KCNN1: variants seen among roughly 807,000 people sequenced by gnomAD.
KCNN1 encodes the protein small conductance calcium-activated potassium channel protein 1.
Under a neutral mutation model 44.7 loss-of-function variants are expected in KCNN1, and 20 were observed. The ratio of observed to expected loss-of-function variants is 0.45; its 90% CI spans 0.32 to 0.65. The LOEUF (loss-of-function observed/expected upper bound fraction) is 0.65. KCNN1 is among the 30% of genes least tolerant of loss of function. The pLI is 0.05. For synonymous variants in KCNN1, 324 were observed against 341.7 expected (o/e 0.95, Z 0.57); for missense variants, 632 against 785.3 (o/e 0.80, Z 2.33).
At chr19:17,958,252 A>T (rs553009185) in intron 2 of KCNN1, among the ~76,000 whole-genome samples, 1 of 152,182 alleles carries the variant, frequency 6.6e-6, no homozygotes, top group South Asian at 2.1e-4. Flanking sequence ...AGGCCAAGGT[A>T]TGAGGATCAC....
chr19:17,953,209 C>G (rs1428970472), intron 1 of KCNN1, among the ~76,000 whole-genome samples: 4 of 152,190 alleles, frequency 2.6e-5, no homozygotes, highest in Non-Finnish European at 1.5e-5. Context: ...CCCAAGACCT[C>G]ATCAAAGGAA....
chr19:17,965,287 GAA>G (rs2031772657), upstream of KCNN1, among the ~76,000 whole-genome samples: 1 of 142,706 alleles, frequency 7.0e-6, no homozygotes, highest in Admixed American at 6.8e-5. Context: ...AAAAAAAAAA[GAA>G]AGAAAAAAGC....
rs2033127840 is a variant in KCNN1, at chr19:17,999,920, TCTGCCACTG to T, written c.*1518_*1526del. 3 of 455,026 alleles carry T rather than the reference TCTGCCACTG, an allele frequency of 6.6e-6. No individual in the cohort carries two copies. Among genetic ancestry groups the T allele is most frequent in the Non-Finnish European group, 1.3e-5 (3 of 226,536 alleles). 28.2% of individuals were successfully genotyped at this position (455,026 alleles called of 1,614,324 possible). Reference sequence around the variant, plus strand: ...GTCAGACCCGGGTTCGAGTCCTGACTCTGCCACTGCTGGGTGACTCTGAGCAGTGGCTGC... The same window carrying T: ...GTCAGACCCGGGTTCGAGTCCTGACTCTGGGTGACTCTGAGCAGTGGCTGC... On this transcript the variant is annotated 3_prime_UTR_variant, in exon 10 of 10. Coordinates refer to ENST00000684775, the MANE Select transcript of KCNN1 (RefSeq NM_001386974.1).
intron 4 of KCNN1, among the ~76,000 whole-genome samples, chr19:17,984,675 A>G (rs2032534400): frequency 6.6e-6 from 1 of 152,114 alleles, no homozygotes; most frequent in Admixed American, 6.5e-5. Flanking sequence ...CGAAGTCCCA[A>G]GCCTGGCTGT....
intron 5 of KCNN1, among the ~76,000 whole-genome samples, chr19:17,986,362 CA>C (rs34295668): frequency 0.63 from 88,217 of 140,270 alleles, 27,573 homozygotes; most frequent in African/African-American, 0.78. Flanking sequence ...AACTAAGTCT[CA>C]AAAAAAAAAA....
upstream of KCNN1, among the ~76,000 whole-genome samples, chr19:17,962,279 C>A (rs957859122): frequency 2.0e-5 from 3 of 152,204 alleles, no homozygotes; most frequent in African/African-American, 7.2e-5. Flanking sequence ...CCCTGCCTGC[C>A]TGTCACGCCC....
chr19:17,955,724 G>A (rs1373686466), intron 2 of KCNN1, among the ~76,000 whole-genome samples: 1 of 151,844 alleles, frequency 6.6e-6, no homozygotes. Flanking sequence ...TATTCAGAGA[G>A]GCCAGATGAC....
At position 17,981,885 on chromosome 19, in the gene KCNN1, C is replaced by G; in HGVS notation, c.675C>G (p.Asp225Glu). The change falls in exon 4 of 10, where the codon GAC becomes GAG. Residue 225 changes from aspartate (D) to glutamate (E), a missense_variant. By Grantham distance (45) the Asp-to-Glu change is conservative (BLOSUM62 2). Coordinates refer to ENST00000684775, the MANE Select transcript of KCNN1 (RefSeq NM_001386974.1). ...FTYAPSVAEA[D>E]VDVLLSIPMF... ...ACGCGCCCTCGGTGGCCGAGGCCGA[C>G]GTGGACGTGCTGCTGTCCATCCCCA... The G allele has an allele frequency of 6.2e-7, 1 of 1,612,354 alleles. No individual in the cohort carries two copies. Among genetic ancestry groups the G allele is most frequent in the Non-Finnish European group, 8.5e-7 (1 of 1,178,906 alleles).
intron 1 of KCNN1, 99 bp from the exon 2 acceptor site, chr19:17,973,709 T>A: frequency 7.3e-7 from 1 of 1,376,344 alleles, no homozygotes; most frequent in Non-Finnish European, 9.5e-7. Flanking sequence ...TCTGGGCCAC[T>A]CCCAAACTTA....
chr19:17,999,271 C>T lies in KCNN1; in HGVS notation c.*865C>T, dbSNP rs998110410. On this transcript the variant is annotated 3_prime_UTR_variant, in exon 10 of 10. Coordinates refer to ENST00000684775, the MANE Select transcript of KCNN1 (RefSeq NM_001386974.1). ...CCCTAGGCCAAAGTAAAGAACCGGA[C>T]TGGCTGGGCACAGTGGCTCACACCT... The T allele has an allele frequency of 1.3e-5, 2 of 152,434 alleles. No individual in the cohort carries two copies. The highest frequency in any genetic ancestry group is 4.8e-5 in the African/African-American group (2 of 41,442). The allele number at this position is 152,434 out of a possible 1,614,324, so 9.4% of individuals were successfully genotyped here.
At position 17,999,438 on chromosome 19, in the gene KCNN1, C is replaced by G. The variant is rs1431768963; in HGVS notation, c.*1032C>G. ...GGTGTGGTGGTGCACGCCTGTAATC[C>G]CAGCTACTTGGGAGGCTGAGGCAGG... is the stretch of plus-strand genomic sequence containing the variant. On this transcript the variant is annotated 3_prime_UTR_variant, in exon 10 of 10. Transcript: ENST00000684775. The G allele has an allele frequency of 6.5e-6, 1 of 153,220 alleles. No homozygotes were observed. Among genetic ancestry groups the G allele is most frequent in the Non-Finnish European group, 1.5e-5 (1 of 68,712 alleles). The allele number at this position is 153,220 out of a possible 1,614,324, so 9.5% of individuals were successfully genotyped here.
In KCNN1 at chr19:17,967,115, GC is replaced by G. The variant is rs1235448198; in HGVS notation, c.-278del. The G allele has an allele frequency of 8.2e-6, 8 of 978,318 alleles. No individual in the cohort carries two copies. The highest frequency in any genetic ancestry group is 9.7e-6 in the Non-Finnish European group (8 of 825,740). The allele number at this position is 978,318 out of a possible 1,614,324, so 60.6% of individuals were successfully genotyped here. On this transcript the variant is annotated 5_prime_UTR_variant, in exon 1 of 10. Coordinates refer to ENST00000684775, the MANE Select transcript of KCNN1 (RefSeq NM_001386974.1). ...TCTCTCCCGGCCCGGGCGGGCGCTC[GC>G]CCCCCGCCGGGCCCGTGGACTGGGC...
chr19:17,967,338 G>A, intron 1 of KCNN1, 21 bp downstream of exon 1: 1 of 983,090 alleles, frequency 1.0e-6, no homozygotes, highest in Non-Finnish European at 1.2e-6. Flanking sequence ...GGATGGGTGA[G>A]GGTGCGGGAG....
At chr19:17,973,021 G>A (rs1400170096) in intron 1 of KCNN1, among the ~76,000 whole-genome samples, 1 of 152,228 alleles carries the variant, frequency 6.6e-6, no homozygotes. Context: ...GTGATTGGGA[G>A]ACCATTGTGG....
At chr19:17,990,825 GA>G (rs971037558) in intron 7 of KCNN1, among the ~76,000 whole-genome samples, 2 of 148,454 alleles carry the variant, frequency 1.3e-5, no homozygotes, top group African/African-American at 5.0e-5. Context: ...GAAAGAAAAA[GA>G]AAAAAAAGAA....
At chr19:17,959,733 G>GT (rs1280502525) in intron 2 of KCNN1, among the ~76,000 whole-genome samples, 1 of 152,150 alleles carries the variant, frequency 6.6e-6, no homozygotes, top group Admixed American at 6.6e-5. Context: ...TTCCCTCTAG[G>GT]TGGGGGGCTC....
intron 1 of KCNN1, among the ~76,000 whole-genome samples, chr19:17,969,121 G>C (rs1363053209): frequency 6.6e-6 from 1 of 152,090 alleles, no homozygotes; most frequent in Non-Finnish European, 1.5e-5. Flanking sequence ...AGGGACTCCA[G>C]TGTTAGGCCC....
Position 17,993,315 on chromosome 19 carries a change from A to T in KCNN1, c.1308-175A>T, listed in dbSNP as rs2032863124. Among the ~76,000 whole-genome samples the T allele has an allele frequency of 6.6e-6, 1 of 152,086 alleles. No homozygotes were observed. Among genetic ancestry groups the T allele is most frequent in the South Asian group, 2.1e-4 (1 of 4,826 alleles). On this transcript the variant is annotated intron_variant, in intron 8 of 9. Transcript: ENST00000684775. This position sits in a 1 kb window ranked among gnomAD's most constrained non-coding sequence, Gnocchi z 4.5. ...CCAGGCTGACTTCTGGCCCTGGCGC[A>T]CCGGCTGTGTACTGGGAGGGAATAG...
At position 18,000,006 on chromosome 19, in the gene KCNN1, A is replaced by G. The variant is rs1488791052; in HGVS notation, c.*1600A>G. Reference sequence around the variant, plus strand: ...TGTAAAATGGGGTGACAGTCTATTTAACCAGAACTCCCTAAAAAGGGCCAG... The same window carrying G: ...TGTAAAATGGGGTGACAGTCTATTTGACCAGAACTCCCTAAAAAGGGCCAG... On this transcript the variant is annotated 3_prime_UTR_variant, in exon 10 of 10. Coordinates refer to ENST00000684775, the MANE Select transcript of KCNN1 (RefSeq NM_001386974.1). The G allele has an allele frequency of 2.2e-6, 1 of 455,976 alleles. No individual in the cohort carries two copies. The highest frequency in any genetic ancestry group is 2.4e-5 in the Admixed American group (1 of 42,552). 28.2% of individuals were successfully genotyped at this position (455,976 alleles called of 1,614,324 possible).
Sources: gnomAD v4.1 joint callset for allele counts (sites outside exome capture counted in the v4.1 genomes callset) on GRCh38, gnomAD v4.1.1 for gene constraint, Gnocchi (gnomAD v3.1) non-coding constraint, MANE v1.5 for transcripts, NCBI Gene and HGNC (gene_info 2026-07-23, HGNC 2026-07-21) for gene names.